The following GGT7 variants were observed in gnomAD, a reference collection of about 807,000 sequenced individuals.
GGT7 encodes gamma-glutamyltransferase 7.
A neutral mutation model predicts 69.2 loss-of-function variants in GGT7; 30 were observed. The observed-to-expected ratio is 0.43, with a 90% CI of 0.32 to 0.59. The LOEUF is 0.59. Ranked by LOEUF, GGT7 falls within the 20% of genes least tolerant of loss-of-function variation. The pLI is 0.05. For missense variants in GGT7, 733 were observed against 901.1 expected (o/e 0.81, Z 2.39); for synonymous variants, 388 against 391.8 (o/e 0.99, Z 0.12).
intron 9 of GGT7, 85 bp from the exon 10 acceptor site, chr20:34,854,704 T>C: frequency 1.3e-6 from 2 of 1,590,568 alleles, no homozygotes; most frequent in Non-Finnish European, 1.7e-6. Context: ...TGAGAAAACT[T>C]GGAGGGGATT....
intron 1 of GGT7, among the ~76,000 whole-genome samples, chr20:34,868,534 C>T (rs908641230): frequency 3.3e-5 from 5 of 152,148 alleles, no homozygotes; most frequent in African/African-American, 1.2e-4. Flanking sequence ...TAATTTTTAC[C>T]TTCAGGGCTC....
intron 1 of GGT7, among the ~76,000 whole-genome samples, chr20:34,868,254 C>G (rs1191008628): frequency 6.6e-6 from 1 of 152,210 alleles, no homozygotes; most frequent in Non-Finnish European, 1.5e-5. Context: ...ATTCAAGACT[C>G]TCTACTCCAC....
chr20:34,861,360 A>G, intron 4 of GGT7, 85 bp downstream of exon 4: 1 of 615,074 alleles, frequency 1.6e-6, no homozygotes, highest in Non-Finnish European at 2.8e-6. Context: ...CCCCTGGTAA[A>G]TACTTAGCAA....
intron 10 of GGT7, among the ~76,000 whole-genome samples, chr20:34,854,248 T>C (rs373524295): frequency 6.6e-6 from 1 of 152,292 alleles, no homozygotes; most frequent in African/African-American, 2.4e-5. Context: ...TTGTTTGGTA[T>C]TGAGCTTTCT....
intron 13 of GGT7, 101 bp from the exon 14 acceptor site, chr20:34,850,161 T>C (rs2079366105): frequency 1.2e-6 from 1 of 852,696 alleles, no homozygotes; most frequent in East Asian, 2.4e-5. Flanking sequence ...GTCTTGAGAA[T>C]TCTTACACCG....
chr20:34,866,450 C>G (rs2079691838), intron 1 of GGT7, among the ~76,000 whole-genome samples: 2 of 150,492 alleles, frequency 1.3e-5, no homozygotes, highest in South Asian at 4.2e-4. Flanking sequence ...GACCCTGTCT[C>G]TAAAAAAAAT....
intron 13 of GGT7, among the ~76,000 whole-genome samples, chr20:34,850,519 C>T (rs1392477028): frequency 6.6e-6 from 1 of 152,170 alleles, no homozygotes; most frequent in African/African-American, 2.4e-5. Flanking sequence ...CTCTGGGCTT[C>T]GGTTTCCTTA....
rs56219337 is a variant in GGT7 at position 34,855,814 on chromosome 20, T to TGTGTGTGTGTGTGTGTGTGTGTGTGTGA, written c.1103-892_1103-891insTCACACACACACACACACACACACACAC. ...CTGTGTGTGTGTGTGTGTGTGTGTG[T>TGTGTGTGTGTGTGTGTGTGTGTGTGTGA]GATAATGGTCTCACTCTGTCACCCA... On this transcript the variant is annotated intron_variant, in intron 8 of 14. Coordinates refer to ENST00000336431, the MANE Select transcript of GGT7 (RefSeq NM_178026.3). Among the ~76,000 whole-genome samples, 352 of 144,580 alleles carry TGTGTGTGTGTGTGTGTGTGTGTGTGTGA rather than the reference T, an allele frequency of 2.4e-3. 4 individuals carry two copies. Among genetic ancestry groups the TGTGTGTGTGTGTGTGTGTGTGTGTGTGA allele is most frequent in the Middle Eastern group, 3.5e-3 (1 of 286 alleles). The allele number at this position is 144,580 out of a possible 152,430, so 94.9% of individuals were successfully genotyped here. A position where few individuals can be genotyped will look rare whatever the true frequency, so the allele number is the denominator to read the frequency against.
rs751472295 is a variant in GGT7 at position 34,850,033 on chromosome 20, G to C, written c.1753C>G (p.Arg585Gly). The C allele has an allele frequency of 6.2e-7, 1 of 1,613,800 alleles. No homozygotes were observed. The highest frequency in any genetic ancestry group is 8.5e-7 in the Non-Finnish European group (1 of 1,179,740). The change falls in exon 14 of 15, where the codon CGG becomes GGG. Residue 585 changes from arginine to glycine, a missense_variant. Transcript: ENST00000336431. The part of the protein sequence containing the change: ...QVLLNVLTLN[R>G]NLSDSLARGR... Reference sequence around the variant, plus strand: ...CGGGCCAGGCTGTCACTCAGGTTCCGGTTCAAGGTCAGGACATTCAGCAGA... The same window carrying C: ...CGGGCCAGGCTGTCACTCAGGTTCCCGTTCAAGGTCAGGACATTCAGCAGA...
intron 1 of GGT7, among the ~76,000 whole-genome samples, chr20:34,865,455 G>A (rs748869000): frequency 2.6e-5 from 4 of 152,338 alleles, no homozygotes; most frequent in African/African-American, 4.8e-5. Flanking sequence ...CTCCCAAAGC[G>A]CTGGGATTAC....
chr20:34,859,362 A>G (rs956532108), intron 7 of GGT7, 81 bp downstream of exon 7: 3 of 1,051,126 alleles, frequency 2.9e-6, no homozygotes, highest in Non-Finnish European at 4.1e-6. Context: ...GAGGGAGGGA[A>G]GGAAGGAAAA....
At position 34,852,605 on chromosome 20, in the gene GGT7, T is replaced by C. The variant is rs564634234; in HGVS notation, c.1320-67A>G. 87 of 1,407,840 alleles carry C rather than the reference T, an allele frequency of 6.2e-5. No individual in the cohort carries two copies. In the African/African-American group the frequency reaches 1.2e-3, roughly 19 times the overall value. 87.2% of individuals were successfully genotyped at this position (1,407,840 alleles called of 1,614,324 possible). ...TCAATACACCCCACCTACCTCACTT[T>C]TGTGGTGTTTGTGTAATTATTTGAT... On this transcript the variant is annotated intron_variant, in intron 10 of 14. Coordinates refer to ENST00000336431, the MANE Select transcript of GGT7 (RefSeq NM_178026.3).
chr20:34,845,222 T>A lies in GGT7; in HGVS notation c.*106A>T. 1.1e-6 allele frequency: 1 copy of A among 939,908 alleles called. No homozygotes were observed. The highest frequency in any genetic ancestry group is 1.5e-6 in the Non-Finnish European group (1 of 669,356). 58.2% of individuals were successfully genotyped at this position (939,908 alleles called of 1,614,324 possible). A position where few individuals can be genotyped will look rare whatever the true frequency, so the allele number is the denominator to read the frequency against. ...TTTGCTAAGCATCCCCTCTGGCCCC[T>A]GATCTGGGGCATCCCTGGGGTCCCC... On this transcript the variant is annotated 3_prime_UTR_variant, in exon 15 of 15. Coordinates refer to ENST00000336431, the MANE Select transcript of GGT7 (RefSeq NM_178026.3).
chr20:34,854,873 T>C lies in GGT7; in HGVS notation c.1153A>G (p.Ser385Gly), dbSNP rs748183825. Residue 385 changes from serine to glycine, a missense_variant, in exon 9 of 15, where the codon AGT becomes GGT. Physicochemically the swap from Ser to Gly is moderately conservative, Grantham distance 56. Coordinates refer to ENST00000336431, the MANE Select transcript of GGT7 (RefSeq NM_178026.3). Reference sequence around the variant, plus strand: ...AAGCCCTCCAGGATGTTGAGAGCACTGATGAGGGCAGGGCCCGTGTGCGGA... The same window carrying C: ...AAGCCCTCCAGGATGTTGAGAGCACCGATGAGGGCAGGGCCCGTGTGCGGA... ...PPPHTGPALI[S>G]ALNILEGFNL... 5.6e-6 allele frequency: 9 copies of C among 1,613,916 alleles called. No homozygotes were observed. The South Asian group carries it at 9.9e-5, about 18-fold the overall frequency.
chr20:34,856,893 C>T lies in GGT7; in HGVS notation c.1015G>A (p.Ala339Thr). 1 of 1,599,326 alleles carries T rather than the reference C, an allele frequency of 6.3e-7. No individual in the cohort carries two copies. Among genetic ancestry groups the T allele is most frequent in the East Asian group, 2.2e-5 (1 of 44,744 alleles). ...GNLTLEMVAEAQHAGGVITEE... is the reference protein window; with the variant it reads ...GNLTLEMVAETQHAGGVITEE... ...GTTATGACACCCCCTGCGTGCTGAG[C>T]CTGGAGGGAAGAGAATGAGGGAATG... The change falls in exon 8 of 15, where the codon GCT becomes ACT. Residue 339 changes from alanine to threonine, a missense_variant and splice_region_variant. Transcript: ENST00000336431.
At chr20:34,856,283 T>C (rs1294217363) in intron 8 of GGT7, among the ~76,000 whole-genome samples, 2 of 152,218 alleles carry the variant, frequency 1.3e-5, no homozygotes, top group African/African-American at 2.4e-5. Context: ...TCAGTAAACA[T>C]GGACCCCACC....
Position 34,859,467 on chromosome 20 carries a change from G to A in GGT7, c.990C>T (p.Asn330=), listed in dbSNP as rs999338297. ...SGPAAFYAGG[N]LTLEMVAEAQ... ...CCTCGGCCACCATCTCCAGTGTGAGGTTGCCACCTGCGTAGAAGGCAGCCG... is the reference window on the plus strand; with the variant it reads ...CCTCGGCCACCATCTCCAGTGTGAGATTGCCACCTGCGTAGAAGGCAGCCG... The change falls in exon 7 of 15, where the codon AAC becomes AAT. Residue 330 remains asparagine, a synonymous_variant. Transcript: ENST00000336431. The A allele has an allele frequency of 1.3e-6, 2 of 1,596,870 alleles. No homozygotes were observed. The highest frequency in any genetic ancestry group is 1.1e-5 in the South Asian group (1 of 89,960).
At position 34,863,726 on chromosome 20, in the gene GGT7, C is replaced by G. The variant is rs1601242483; in HGVS notation, c.170-178G>C. 1.4e-6 allele frequency: 1 copy of G among 717,808 alleles called. No homozygotes were observed. The highest frequency in any genetic ancestry group is 2.6e-6 in the Non-Finnish European group (1 of 386,512). The allele number at this position is 717,808 out of a possible 1,614,324, so 44.5% of individuals were successfully genotyped here. A position where few individuals can be genotyped will look rare whatever the true frequency, so the allele number is the denominator to read the frequency against. ...CCCCAGGACAGGCGGGGCAACGGTG[C>G]CCGGCTAGGAAGAGACAGGGACCTC... is the stretch of plus-strand genomic sequence containing the variant. On this transcript the variant is annotated intron_variant, in intron 1 of 14. Coordinates refer to ENST00000336431, the MANE Select transcript of GGT7 (RefSeq NM_178026.3). The surrounding 1 kb of genome is among the most constrained non-coding windows in gnomAD (Gnocchi z 4.4).
intron 1 of GGT7, among the ~76,000 whole-genome samples, chr20:34,869,001 G>C (rs1375748783): frequency 6.6e-6 from 1 of 152,054 alleles, no homozygotes; most frequent in African/African-American, 2.4e-5. Flanking sequence ...TCTCTTTTTG[G>C]ATGTAGCTCA....
Sources: allele counts gnomAD v4.1 joint callset (sites outside exome capture counted in the v4.1 genomes callset), GRCh38; gene constraint gnomAD v4.1.1; non-coding constraint Gnocchi (gnomAD v3.1); transcripts MANE v1.5; gene names NCBI Gene and HGNC (gene_info 2026-07-23, HGNC 2026-07-21).